Variants in TWIST2 observed in about 807,000 individuals in gnomAD.
TWIST2 encodes twist-related protein 2.
Under a neutral mutation model 11.6 loss-of-function variants are expected in TWIST2, and 1 was observed. The ratio of observed to expected loss-of-function variants is 0.09; its 90% confidence interval spans 0.03 to 0.41. TWIST2 has a LOEUF of 0.41. TWIST2 is among the 10% of genes least tolerant of loss of function. The pLI is 0.98. For synonymous variants in TWIST2, 87 were observed against 96.6 expected (o/e 0.90, Z 0.58); for missense variants, 168 against 226.4 (o/e 0.74, Z 1.66).
intron 1 of TWIST2, among the ~76,000 whole-genome samples, chr2:238,898,641 C>T (rs1693234374): frequency 6.6e-6 from 1 of 152,246 alleles, no homozygotes; most frequent in Admixed American, 6.5e-5. Flanking sequence ...TTTGCTTTCT[C>T]CTTCCTCTCC....
intron 1 of TWIST2, among the ~76,000 whole-genome samples, chr2:238,885,059 C>T (rs550990426): frequency 9.8e-5 from 15 of 152,318 alleles, no homozygotes; most frequent in Admixed American, 7.2e-4. Flanking sequence ...AGCCCTGGTC[C>T]GTTAGGAGCT....
At chr2:238,903,077 A>C (rs1309270868) in intron 1 of TWIST2, among the ~76,000 whole-genome samples, 22,919 of 66,574 alleles carry the variant, frequency 0.34, 5,504 homozygotes, top group African/African-American at 0.43. Flanking sequence ...AGTGTGTGTG[A>C]TGTGGGGTGT....
chr2:238,886,859 C>CA (rs1479420942), intron 1 of TWIST2: 3 of 152,136 alleles, frequency 2.0e-5, no homozygotes, highest in Non-Finnish European at 4.4e-5. Flanking sequence ...AGTGTTTGGT[C>CA]AAGACAGCCC....
rs1362026088 is a variant in TWIST2 at position 238,910,085 on chromosome 2, T to G, written c.*279T>G. ...CATGGTCATCTTGTTTCTGTTTGGA[T>G]TTTTCTTCTGGGTCTTATGTTTGGG... On this transcript the variant is annotated 3_prime_UTR_variant, in exon 2 of 2. Coordinates refer to ENST00000612363, the MANE Select transcript of TWIST2 (RefSeq NM_001271893.4). The G allele has an allele frequency of 6.6e-6, 1 of 152,164 alleles. No homozygotes were observed. The highest frequency in any genetic ancestry group is 2.4e-5 in the African/African-American group (1 of 41,430). 9.4% of individuals were successfully genotyped at this position (152,164 alleles called of 1,614,324 possible).
intron 1 of TWIST2, among the ~76,000 whole-genome samples, chr2:238,905,904 CGTGT>C (rs1181396136): frequency 0.077 from 11,030 of 144,106 alleles, 491 homozygotes; most frequent in East Asian, 0.16. Flanking sequence ...CGCGTGTGTG[CGTGT>C]GTGTGCGTGC....
At chr2:238,884,765 C>T (rs566687910) in intron 1 of TWIST2, among the ~76,000 whole-genome samples, 4 of 152,202 alleles carry the variant, frequency 2.6e-5, no homozygotes, top group South Asian at 4.1e-4. Context: ...GCAGGCCTCC[C>T]GCAGGTCAGG....
rs752271468 is a variant in TWIST2 at position 238,848,545 on chromosome 2, C to T, written c.330C>T (p.Ala110=). 1.9e-6 allele frequency: 3 copies of T among 1,591,878 alleles called. No homozygotes were observed. In the South Asian group the frequency reaches 3.4e-5, roughly 18 times the overall value. ...GCAAGATCCAGACGCTCAAGCTGGCCGCCAGGTACATAGACTTCCTCTACC... is the reference window on the plus strand; with the variant it reads ...GCAAGATCCAGACGCTCAAGCTGGCTGCCAGGTACATAGACTTCCTCTACC... The part of the protein sequence containing the change: ...KLSKIQTLKL[A]ARYIDFLYQV... Residue 110 remains alanine (A), a synonymous_variant, in exon 1 of 2, where the codon GCC becomes GCT. Coordinates refer to ENST00000612363, the MANE Select transcript of TWIST2 (RefSeq NM_001271893.4).
intron 1 of TWIST2, among the ~76,000 whole-genome samples, chr2:238,899,856 G>A (rs1693248720): frequency 6.6e-6 from 1 of 152,192 alleles, no homozygotes; most frequent in African/African-American, 2.4e-5. Context: ...ATCTTTTTAT[G>A]AAGGATGCTG....
At chr2:238,870,805 G>C (rs1264214552) in intron 1 of TWIST2, among the ~76,000 whole-genome samples, 2 of 17,840 alleles carry the variant, frequency 1.1e-4, no homozygotes, top group Admixed American at 6.0e-4. Flanking sequence ...CACACCCCAT[G>C]CACACACCAC....
chr2:238,849,064 G>T (rs1176518899), intron 1 of TWIST2, among the ~76,000 whole-genome samples: 1 of 151,072 alleles, frequency 6.6e-6, no homozygotes, highest in Non-Finnish European at 1.5e-5. Context: ...GGTGGAAGGA[G>T]CGAGCATCAG....
chr2:238,905,195 G>T (rs1266934773), intron 1 of TWIST2, among the ~76,000 whole-genome samples: 1 of 151,552 alleles, frequency 6.6e-6, no homozygotes, highest in African/African-American at 2.4e-5. Context: ...GTTGAATGGG[G>T]CCTCACCTGC....
At chr2:238,883,645 T>G (rs1318435725) in intron 1 of TWIST2, among the ~76,000 whole-genome samples, 1 of 152,058 alleles carries the variant, frequency 6.6e-6, no homozygotes, top group Non-Finnish European at 1.5e-5. Context: ...GCAGAAGAAT[T>G]TTCTAGAAGC....
chr2:238,872,498 G>T (rs1692726000), intron 1 of TWIST2, among the ~76,000 whole-genome samples: 1 of 152,150 alleles, frequency 6.6e-6, no homozygotes, highest in African/African-American at 2.4e-5. Flanking sequence ...TCTGCATTTA[G>T]ATCTAGTAAC....
intron 1 of TWIST2, among the ~76,000 whole-genome samples, chr2:238,861,425 G>A (rs1188673374): frequency 1.3e-5 from 2 of 152,106 alleles, no homozygotes; most frequent in Non-Finnish European, 2.9e-5. Flanking sequence ...TGGAGCCAGC[G>A]CCCAGTGAGT....
chr2:238,898,789 G>C (rs1043666612), intron 1 of TWIST2, among the ~76,000 whole-genome samples: 1 of 152,234 alleles, frequency 6.6e-6, no homozygotes, highest in African/African-American at 2.4e-5. Context: ...GTCCTGGAGG[G>C]GAGGCCCCGG....
At chr2:238,872,373 T>A (rs990241398) in intron 1 of TWIST2, among the ~76,000 whole-genome samples, 1 of 152,216 alleles carries the variant, frequency 6.6e-6, no homozygotes, top group Admixed American at 6.5e-5. Context: ...TGCACCACCC[T>A]GTGCACATCA....
chr2:238,875,542 G>A (rs971636330), intron 1 of TWIST2, among the ~76,000 whole-genome samples: 2 of 152,182 alleles, frequency 1.3e-5, no homozygotes, highest in African/African-American at 4.8e-5. Flanking sequence ...TACTGGCATT[G>A]GTTTGCTTTG....
chr2:238,881,101 GGTATTA>G (rs1248588655), intron 1 of TWIST2, among the ~76,000 whole-genome samples: 1 of 85,606 alleles, frequency 1.2e-5, no homozygotes, highest in Admixed American at 1.4e-4. Flanking sequence ...TGTTAGTATT[GGTATTA>G]GTGTTAGTGT....
intron 1 of TWIST2, among the ~76,000 whole-genome samples, chr2:238,898,528 G>A (rs1693232404): frequency 6.6e-6 from 1 of 152,208 alleles, no homozygotes; most frequent in Non-Finnish European, 1.5e-5. Context: ...CTATTGGATT[G>A]GTACAAAAGG....
Sources: allele counts gnomAD v4.1 joint callset (sites outside exome capture counted in the v4.1 genomes callset), GRCh38; gene constraint gnomAD v4.1.1; transcripts MANE v1.5; gene names NCBI Gene and HGNC (gene_info 2026-07-23, HGNC 2026-07-21).